Variants in PAX6 observed in about 807,000 individuals in gnomAD.
The protein encoded by PAX6 is paired box 6.
Under a neutral mutation model 60.7 loss-of-function variants are expected in PAX6, and 7 were observed. The observed-to-expected ratio is 0.12, with a 90% CI of 0.07 to 0.22. PAX6 has a LOEUF of 0.22. Among genes scored for constraint, PAX6 ranks in the 10% least tolerant of loss-of-function variants. PAX6 has a pLI of 1.00. For synonymous variants in PAX6, 208 were observed against 201.2 expected (o/e 1.03, Z -0.29); for missense variants, 355 against 555.2 (o/e 0.64, Z 3.62).
In PAX6 at chr11:31,793,508, G is replaced by A; in HGVS notation, c.1004C>T (p.Ala335Val). 1 of 1,614,222 alleles carries A rather than the reference G, an allele frequency of 6.2e-7. No individual in the cohort carries two copies. Among genetic ancestry groups the A allele is most frequent in the Non-Finnish European group, 8.5e-7 (1 of 1,180,038 alleles). Reference protein sequence around the residue: ...SGSMLGRTDTALTNTYSALPP... With the variant: ...SGSMLGRTDTVLTNTYSALPP... ...CAGAGCGCTGTAGGTGTTTGTGAGG[G>A]CTGTGTCTGTTCGGCCCAACATGGA... The change falls in exon 12 of 14, where the codon GCC (alanine) becomes GTC (valine). Residue 335 changes from alanine (A) to valine (V), a missense_variant. By Grantham distance (64) the Ala-to-Val change is moderately conservative (BLOSUM62 0). This residue lies in a region of PAX6 where 149 missense variants were observed against 191.9 expected (regional missense o/e 0.78). Coordinates refer to ENST00000640368, the MANE Select transcript of PAX6 (RefSeq NM_001368894.2).
rs1019883076 is a variant in PAX6 at position 31,793,299 on chromosome 11, G to A, written c.1074+139C>T. 11 of 754,870 alleles carry A rather than the reference G, an allele frequency of 1.5e-5. No homozygotes were observed. The highest frequency in any genetic ancestry group is 4.2e-5 in the South Asian group (3 of 71,070). 46.8% of individuals were successfully genotyped at this position (754,870 alleles called of 1,614,324 possible). Reference sequence around the variant, plus strand: ...AAAAGTGATGGGATTGACTGTCTCCGACTTGACTGGTCAAGCCAATCACTG... The same window carrying A: ...AAAAGTGATGGGATTGACTGTCTCCAACTTGACTGGTCAAGCCAATCACTG... On this transcript the variant is annotated intron_variant, in intron 12 of 13. Transcript: ENST00000640368.
intron 7 of PAX6, 69 bp downstream of exon 7, chr11:31,801,492 T>G (rs1592540479): frequency 6.2e-7 from 1 of 1,608,200 alleles, no homozygotes; most frequent in Non-Finnish European, 8.5e-7. Flanking sequence ...AGAGAGAGGG[T>G]GGGAGGAGGT....
At chr11:31,801,300 A>G (rs1953752979) in intron 7 of PAX6, 4 of 1,413,864 alleles carry the variant, frequency 2.8e-6, no homozygotes, top group Non-Finnish European at 3.7e-6. Context: ...TCTTCATTCA[A>G]GTGCCTTTCC....
chr11:31,801,696 A>G lies in PAX6; in HGVS notation c.264T>C (p.Ser88=). The change falls in exon 7 of 14, where the codon AGT becomes AGC. Residue 88 remains serine (S), a synonymous_variant. Transcript: ENST00000640368. ...GSIRPRAIGG[S]KPRVATPEVV... is the part of the protein sequence containing the mutation. ...CTTCTGGAGTCGCTACTCTCGGTTT[A>G]CTACCACCGATTGCCCTGGGTCTGA... 6.2e-7 allele frequency: 1 copy of G among 1,614,132 alleles called. No homozygotes were observed. The highest frequency in any genetic ancestry group is 8.5e-7 in the Non-Finnish European group (1 of 1,180,018).
chr11:31,805,854 ACC>A (rs1439297321), intron 4 of PAX6: 2 of 153,148 alleles, frequency 1.3e-5, no homozygotes, highest in African/African-American at 2.4e-5. Flanking sequence ...CGAGTTTACC[ACC>A]CCTACCCTGC....
At chr11:31,814,380 TC>T (rs1957273305), upstream of PAX6, 1 of 152,362 alleles carries the variant, frequency 6.6e-6, no homozygotes, top group African/African-American at 2.4e-5. Context: ...CATCAGGCCT[TC>T]GGGGAGGCAA....
intron 4 of PAX6, chr11:31,806,185 GC>G: frequency 1.9e-6 from 1 of 526,524 alleles, no homozygotes; most frequent in Non-Finnish European, 3.3e-6. Context: ...GTTCTTAAGG[GC>G]CCAGCCCCTG....
intron 4 of PAX6, 143 bp downstream of exon 4, chr11:31,806,259 C>G (rs1460227492): frequency 3.5e-6 from 3 of 850,544 alleles, no homozygotes; most frequent in African/African-American, 3.6e-5. Context: ...GGGCGCGGAG[C>G]GGGGAGCAGC....
At chr11:31,816,409 G>T in intron 1 of PAX6, 1 of 621,038 alleles carries the variant, frequency 1.6e-6, no homozygotes, top group Non-Finnish European at 2.9e-6. Context: ...CTCGCCCTGG[G>T]CGCGGAGCGA....
At chr11:31,814,137 C>T (rs61879811), upstream of PAX6, 1 of 152,126 alleles carries the variant, frequency 6.6e-6, no homozygotes, top group South Asian at 2.1e-4. Context: ...TCCCCCCTAC[C>T]CTCCGCCCCC....
At chr11:31,802,601 G>C (rs1266975373) in intron 5 of PAX6, 103 bp downstream of exon 5, 2 of 1,293,510 alleles carry the variant, frequency 1.5e-6, no homozygotes, top group African/African-American at 2.9e-5. Context: ...GGGTGAGGGT[G>C]GGGGGGTCCA....
chr11:31,810,678 C>T, intron 2 of PAX6, 150 bp downstream of exon 2: 1 of 396,918 alleles, frequency 2.5e-6, no homozygotes, highest in Non-Finnish European at 4.4e-6. Flanking sequence ...AAAGTTTGGG[C>T]TCCTGCGTGG....
At chr11:31,790,057 C>T in intron 13 of PAX6, 38 bp from the exon 14 acceptor site, 2 of 1,047,260 alleles carry the variant, frequency 1.9e-6, no homozygotes, top group Non-Finnish European at 2.8e-6. Context: ...GTAGATATTC[C>T]CTTTGAGAAA....
chr11:31,811,901 A>C (rs915185592), upstream of PAX6: 1 of 152,392 alleles, frequency 6.6e-6, no homozygotes, highest in East Asian at 1.9e-4. Flanking sequence ...GCCTAGGCCG[A>C]GAGGAGGTTG....
At chr11:31,811,486 C>T (rs1395521024), upstream of PAX6, 4 of 328,244 alleles carry the variant, frequency 1.2e-5, no homozygotes, top group Admixed American at 4.9e-5. Context: ...CCCGGCTCCT[C>T]TCCCCGGCGC....
Position 31,789,697 on chromosome 11 carries a change from A to G in PAX6, c.*237T>C, listed in dbSNP as rs1321864138. 7.1e-6 allele frequency: 5 copies of G among 703,028 alleles called. No homozygotes were observed. Among genetic ancestry groups the G allele is most frequent in the Non-Finnish European group, 1.0e-5 (4 of 385,016 alleles). The allele number at this position is 703,028 out of a possible 1,614,324, so 43.5% of individuals were successfully genotyped here. ...TACAAATAATACACCAAAATGAATA[A>G]AAGTTTGGATACCAAAATGAAGATT... On this transcript the variant is annotated 3_prime_UTR_variant, in exon 14 of 14. Transcript: ENST00000640368.
intron 4 of PAX6, chr11:31,805,343 C>T (rs929276134): frequency 6.6e-6 from 1 of 152,320 alleles, no homozygotes; most frequent in African/African-American, 2.4e-5. Context: ...CAACTACTCC[C>T]GCAAAGCTCG....
chr11:31,792,761 G>T lies in PAX6; in HGVS notation c.1074+677C>A, dbSNP rs117966674. The stretch of plus-strand genomic sequence containing the variant: ...ATTTGGGACAGAACTAAGAGGAGAG[G>T]CAGGCTGTCATACCAAGTGAATAGC... On this transcript the variant is annotated intron_variant, in intron 12 of 13. Transcript: ENST00000640368. The T allele has an allele frequency of 4.8e-3, 886 of 183,616 alleles. 2 individuals carry two copies. The highest frequency in any genetic ancestry group is 8.4e-3 in the Admixed American group (156 of 18,652). 11.4% of individuals were successfully genotyped at this position (183,616 alleles called of 1,614,324 possible). A position where few individuals can be genotyped will look rare whatever the true frequency, so the allele number is the denominator to read the frequency against.
chr11:31,800,151 A>C (rs953676318), intron 8 of PAX6, among the ~76,000 whole-genome samples: 9 of 151,754 alleles, frequency 5.9e-5, no homozygotes, highest in Admixed American at 5.9e-4. Context: ...CGAACGGGGG[A>C]GGGGCAAGGA....
Sources: allele counts gnomAD v4.1 joint callset (sites outside exome capture counted in the v4.1 genomes callset), GRCh38; gene constraint gnomAD v4.1.1; regional missense constraint gnomAD v4.1.1; transcripts MANE v1.5; gene names NCBI Gene and HGNC (gene_info 2026-07-23, HGNC 2026-07-21).